Variants in GNPDA2 observed in about 807,000 individuals in gnomAD.
The protein encoded by GNPDA2 is glcN6P deaminase 2.
A neutral mutation model predicts 27.0 loss-of-function variants in GNPDA2; 24 were observed. That is an observed-to-expected ratio of 0.89 (90% CI 0.64 to 1.25). The LOEUF (loss-of-function observed/expected upper bound fraction) is 1.25, where lower values mean the gene tolerates loss of function less well. GNPDA2 is among the 50% of genes most tolerant of loss of function. The probability of loss-of-function intolerance (pLI) is 0.00; values close to 1 mark genes in which losing one functional copy is unlikely to be tolerated. For synonymous variants in GNPDA2, 94 were observed against 108.4 expected (o/e 0.87, Z 0.83); for missense variants, 286 against 335.1 (o/e 0.85, Z 1.14).
chr4:44,718,457 TTAAA>T (rs556620838), intron 2 of GNPDA2, 47 bp from the exon 3 acceptor site: 42 of 591,222 alleles, frequency 7.1e-5, no homozygotes, highest in African/African-American at 1.4e-4. Flanking sequence ...TAATAATCTA[TTAAA>T]TAAACTTTTT....
chr4:44,725,184 ACT>A (rs1436080075), intron 1 of GNPDA2, among the ~76,000 whole-genome samples: 1 of 152,126 alleles, frequency 6.6e-6, no homozygotes, highest in African/African-American at 2.4e-5. Flanking sequence ...AAAATGATTA[ACT>A]CTATTGTCAA....
chr4:44,726,208 A>T (rs1258375763), intron 1 of GNPDA2, among the ~76,000 whole-genome samples: 1 of 152,088 alleles, frequency 6.6e-6, no homozygotes, highest in Non-Finnish European at 1.5e-5. Flanking sequence ...ACGAGTGTAG[A>T]GAGAGGTGTC....
chr4:44,715,063 A>T (rs1054678838), intron 4 of GNPDA2, among the ~76,000 whole-genome samples: 12 of 152,176 alleles, frequency 7.9e-5, no homozygotes, highest in African/African-American at 2.7e-4. Context: ...CTTATGCAAC[A>T]TCTATTTCAA....
At chr4:44,703,679 A>C (rs1353676533) in intron 6 of GNPDA2, 12 of 983,948 alleles carry the variant, frequency 1.2e-5, no homozygotes, top group Non-Finnish European at 1.4e-5. Flanking sequence ...GACAGAAAAC[A>C]ACCTGTATTA....
intron 6 of GNPDA2, chr4:44,703,625 A>G (rs968032758): frequency 4.1e-6 from 4 of 983,700 alleles, no homozygotes; most frequent in Non-Finnish European, 4.8e-6. Context: ...TTTATGACAA[A>G]GGTTGATTAC....
rs1162896678 is a variant in GNPDA2, at chr4:44,702,380, T to C, written c.*701A>G. Reference sequence around the variant, plus strand: ...GGCTTGCTAGGTATAAAGCTCATAATTGTCAAGATACTTATATTAGGGACA... The same window carrying C: ...GGCTTGCTAGGTATAAAGCTCATAACTGTCAAGATACTTATATTAGGGACA... On this transcript the variant is annotated 3_prime_UTR_variant, in exon 7 of 7. Transcript: ENST00000295448. 2 of 951,218 alleles carry C rather than the reference T, an allele frequency of 2.1e-6. No individual in the cohort carries two copies. The allele number at this position is 951,218 out of a possible 1,614,324, so 58.9% of individuals were successfully genotyped here.
Position 44,717,255 on chromosome 4 carries a change from C to A in GNPDA2, c.267G>T (p.Met89Ile). ...CGATATGCTTAAAAAAATTATTCCA[C>A]ATATAAGAATGGTAGCTTTCAGGAT... Reference protein sequence around the residue: ...RNHPESYHSYMWNNFFKHIDI... With the variant: ...RNHPESYHSYIWNNFFKHIDI... The change falls in exon 4 of 7, where the codon ATG becomes ATT. Residue 89 changes from methionine to isoleucine, a missense_variant. By Grantham distance (10) the Met-to-Ile change is conservative. Coordinates refer to ENST00000295448, the MANE Select transcript of GNPDA2 (RefSeq NM_138335.3). The A allele has an allele frequency of 6.4e-7, 1 of 1,550,748 alleles. No individual in the cohort carries two copies. The highest frequency in any genetic ancestry group is 2.3e-5 in the East Asian group (1 of 43,410).
chr4:44,704,447 T>A, intron 6 of GNPDA2: 1 of 872,216 alleles, frequency 1.1e-6, no homozygotes, highest in Non-Finnish European at 1.4e-6. Flanking sequence ...ACATGCAAAT[T>A]AAAATATCAG....
intron 4 of GNPDA2, among the ~76,000 whole-genome samples, chr4:44,713,202 A>G (rs1404595933): frequency 6.6e-6 from 1 of 152,154 alleles, no homozygotes; most frequent in Non-Finnish European, 1.5e-5. Context: ...TTAATTTCCT[A>G]TATCCCTCTT....
At chr4:44,705,316 TA>T in intron 6 of GNPDA2, 2 of 984,656 alleles carry the variant, frequency 2.0e-6, no homozygotes, top group Non-Finnish European at 2.4e-6. Flanking sequence ...TACCCTTTAC[TA>T]AAATGCTGTA....
chr4:44,709,630 G>A (rs1020502909), intron 5 of GNPDA2, among the ~76,000 whole-genome samples: 1 of 152,028 alleles, frequency 6.6e-6, no homozygotes. Context: ...TAATTTTAAA[G>A]AATAATCAAC....
intron 4 of GNPDA2, chr4:44,714,629 C>A (rs1405915127): frequency 1.0e-6 from 1 of 984,750 alleles, no homozygotes; most frequent in South Asian, 4.7e-5. Context: ...TCCCATTTGG[C>A]ACAGTTCTTA....
In GNPDA2 at chr4:44,707,876, T is replaced by C; in HGVS notation, c.645A>G (p.Ala215=). ...ACATGTGATTGACTCCTTCTTCTAT[T>C]GCTTTGTACAGGGCAAATGCCTTGT... ...GAHKAFALYK[A]IEEGVNHMWT... Residue 215 remains alanine, a synonymous_variant, in exon 6 of 7, where the codon GCA becomes GCG. Coordinates refer to ENST00000295448, the MANE Select transcript of GNPDA2 (RefSeq NM_138335.3). 1 of 1,613,294 alleles carries C rather than the reference T, an allele frequency of 6.2e-7. No homozygotes were observed. Among genetic ancestry groups the C allele is most frequent in the Non-Finnish European group, 8.5e-7 (1 of 1,179,440 alleles).
chr4:44,705,180 A>C, intron 6 of GNPDA2: 1 of 983,110 alleles, frequency 1.0e-6, no homozygotes, highest in Non-Finnish European at 1.2e-6. Flanking sequence ...GAATTTGAAG[A>C]GTTATGGATG....
chr4:44,703,566 C>A, intron 6 of GNPDA2: 2 of 986,514 alleles, frequency 2.0e-6, no homozygotes, highest in South Asian at 4.7e-5. Flanking sequence ...TAATACATTA[C>A]CCTATCCATT....
chr4:44,718,431 A>G (rs1223455058), intron 2 of GNPDA2, 21 bp from the exon 3 acceptor site: 1 of 867,598 alleles, frequency 1.2e-6, no homozygotes. Context: ...TAAAAATTCC[A>G]TTTTCTAAAA....
chr4:44,719,731 A>G (rs1717550144), intron 2 of GNPDA2, among the ~76,000 whole-genome samples: 1 of 151,974 alleles, frequency 6.6e-6, no homozygotes, highest in Admixed American at 6.6e-5. Flanking sequence ...AGCTGTCACA[A>G]TGGAGGTGAC....
intron 1 of GNPDA2, among the ~76,000 whole-genome samples, chr4:44,725,425 GAC>G (rs1717948061): frequency 6.6e-6 from 1 of 152,142 alleles, no homozygotes; most frequent in South Asian, 2.1e-4. Context: ...CCTCTCCCTA[GAC>G]ACAGTGTTTC....
Position 44,710,999 on chromosome 4 carries a change from G to C in GNPDA2, c.548C>G (p.Thr183Ser), listed in dbSNP as rs1244614511. The change falls in exon 5 of 7, where the codon ACT becomes AGT. Residue 183 changes from threonine (T) to serine (S), a missense_variant. Transcript: ENST00000295448. ...YFDGDLSKVPTMALTVGVGTV... is the reference protein window; with the variant it reads ...YFDGDLSKVPSMALTVGVGTV... ...CCCCACACCAACAGTTAGAGCCATA[G>C]TTGGCACTTTTGATAAATCTCCATC... The C allele has an allele frequency of 6.2e-7, 1 of 1,612,684 alleles. No individual in the cohort carries two copies. Among genetic ancestry groups the C allele is most frequent in the African/African-American group, 1.3e-5 (1 of 74,936 alleles).
Sources: gnomAD v4.1 joint callset for allele counts (sites outside exome capture counted in the v4.1 genomes callset) on GRCh38, gnomAD v4.1.1 for gene constraint, MANE v1.5 for transcripts, NCBI Gene and HGNC (gene_info 2026-07-23, HGNC 2026-07-21) for gene names.